SLC25A21: variants seen among roughly 807,000 people sequenced by gnomAD.
The protein encoded by SLC25A21 is solute carrier family 25 member 21.
In SLC25A21, 47 loss-of-function variants were observed where a neutral mutation model predicts 43.8. That is an observed-to-expected ratio of 1.07 (90% CI 0.85 to 1.37). The LOEUF (loss-of-function observed/expected upper bound fraction) is 1.37, where lower values mean the gene tolerates loss of function less well. Ranked by LOEUF, SLC25A21 falls within the 40% of genes most tolerant of loss-of-function variation. SLC25A21 has a pLI of 0.00. For missense variants in SLC25A21, 352 were observed against 350.2 expected, an observed-to-expected ratio of 1.00 and a Z score of -0.04; for synonymous variants, 131 against 121.3, an observed-to-expected ratio of 1.08 and a Z score of -0.52.
intron 1 of SLC25A21, among the ~76,000 whole-genome samples, chr14:36,977,920 A>G (rs1594732577): frequency 7.0e-6 from 1 of 143,820 alleles, no homozygotes; most frequent in South Asian, 2.2e-4. Context: ...TATTTCACAC[A>G]CTCCTCAGTG....
At chr14:37,009,628 A>C (rs1054250882) in intron 1 of SLC25A21, among the ~76,000 whole-genome samples, 1 of 152,238 alleles carries the variant, frequency 6.6e-6, no homozygotes. Flanking sequence ...TTTCTGAAGT[A>C]GTGCGTAGTG....
chr14:36,772,596 T>C (rs188470639), intron 3 of SLC25A21, among the ~76,000 whole-genome samples: 2 of 152,324 alleles, frequency 1.3e-5, no homozygotes, highest in East Asian at 3.9e-4. Flanking sequence ...AGAGGGATGT[T>C]GGGCGGCTGA....
chr14:36,753,205 A>T (rs552417217), intron 3 of SLC25A21, among the ~76,000 whole-genome samples: 2 of 152,348 alleles, frequency 1.3e-5, no homozygotes, highest in Admixed American at 1.3e-4. Context: ...TACTTAAAAT[A>T]GCTAAAATGG....
At chr14:37,136,799 G>A (rs1233635216) in intron 1 of SLC25A21, among the ~76,000 whole-genome samples, 5 of 152,086 alleles carry the variant, frequency 3.3e-5, no homozygotes, top group African/African-American at 9.7e-5. Flanking sequence ...AAAGAAACCA[G>A]TCTGGAAAGG....
intron 1 of SLC25A21, among the ~76,000 whole-genome samples, chr14:37,063,550 GA>G (rs1469833561): frequency 2.0e-5 from 3 of 151,956 alleles, no homozygotes; most frequent in African/African-American, 7.3e-5. Flanking sequence ...ACTAGAACAG[GA>G]AAACATTACT....
intron 5 of SLC25A21, among the ~76,000 whole-genome samples, chr14:36,727,861 G>C (rs1236407949): frequency 4.6e-5 from 7 of 151,964 alleles, no homozygotes; most frequent in African/African-American, 1.7e-4. Context: ...AGACTTCCAT[G>C]ATAGAAGCCA....
At chr14:36,879,861 T>C (rs1890660211) in intron 1 of SLC25A21, among the ~76,000 whole-genome samples, 2 of 152,068 alleles carry the variant, frequency 1.3e-5, no homozygotes, top group Admixed American at 1.3e-4. Context: ...TGATTAATCA[T>C]GATTGGTGAG....
chr14:37,158,011 C>T (rs1242041276), intron 1 of SLC25A21, among the ~76,000 whole-genome samples: 1 of 152,096 alleles, frequency 6.6e-6, no homozygotes, highest in Non-Finnish European at 1.5e-5. Flanking sequence ...TGTAAACATA[C>T]AACCTACAAA....
chr14:37,084,838 C>T (rs1594785303), intron 1 of SLC25A21, among the ~76,000 whole-genome samples: 1 of 152,186 alleles, frequency 6.6e-6, no homozygotes, highest in African/African-American at 2.4e-5. Context: ...GGCATAAGGA[C>T]AGTCATATAG....
chr14:37,053,451 G>T (rs1961754092), intron 1 of SLC25A21, among the ~76,000 whole-genome samples: 1 of 152,150 alleles, frequency 6.6e-6, no homozygotes, highest in Non-Finnish European at 1.5e-5. Flanking sequence ...AAAAGGGCAG[G>T]TTAAAAGGAA....
chr14:37,045,027 G>A (rs543462824), intron 1 of SLC25A21, among the ~76,000 whole-genome samples: 3 of 152,242 alleles, frequency 2.0e-5, no homozygotes, highest in African/African-American at 7.2e-5. Flanking sequence ...AGACAGTCTG[G>A]TTTCCCACTC....
intron 1 of SLC25A21, among the ~76,000 whole-genome samples, chr14:36,878,326 T>C (rs1890607243): frequency 6.6e-6 from 1 of 152,194 alleles, no homozygotes; most frequent in Non-Finnish European, 1.5e-5. Flanking sequence ...TTCACTGTTA[T>C]TTTTAGTCAA....
intron 1 of SLC25A21, among the ~76,000 whole-genome samples, chr14:37,077,964 G>A (rs894685613): frequency 3.3e-5 from 5 of 151,854 alleles, no homozygotes; most frequent in East Asian, 1.9e-4. Flanking sequence ...ATTTTTAAAC[G>A]AAAGACATTT....
At chr14:36,984,841 A>C (rs1432233558) in intron 1 of SLC25A21, among the ~76,000 whole-genome samples, 3 of 152,056 alleles carry the variant, frequency 2.0e-5, no homozygotes, top group African/African-American at 7.2e-5. Context: ...TGCCCAAAGG[A>C]CTATAAATCA....
intron 7 of SLC25A21, among the ~76,000 whole-genome samples, chr14:36,694,382 T>G (rs1004371964): frequency 6.6e-6 from 1 of 152,336 alleles, no homozygotes; most frequent in East Asian, 1.9e-4. Context: ...TATGTGTGCA[T>G]GTGTCTTTAT....
At chr14:36,691,074 T>C (rs529830781) in intron 7 of SLC25A21, among the ~76,000 whole-genome samples, 1 of 152,138 alleles carries the variant, frequency 6.6e-6, no homozygotes, top group African/African-American at 2.4e-5. Flanking sequence ...ATACAGAAAT[T>C]TCCTACCTTA....
intron 1 of SLC25A21, among the ~76,000 whole-genome samples, chr14:36,913,587 A>T (rs712394): frequency 4.6e-5 from 7 of 152,030 alleles, no homozygotes; most frequent in Non-Finnish European, 1.0e-4. Flanking sequence ...GTTTGGAAGG[A>T]TAAGAACGAG....
At chr14:36,906,284 T>TA (rs1325719842) in intron 1 of SLC25A21, among the ~76,000 whole-genome samples, 16 of 151,932 alleles carry the variant, frequency 1.1e-4, no homozygotes, top group Admixed American at 2.6e-4. Flanking sequence ...ATTCAAAAAA[T>TA]AAAAAATTCC....
At chr14:36,916,526 CA>C (rs1395444604) in intron 1 of SLC25A21, among the ~76,000 whole-genome samples, 1 of 152,082 alleles carries the variant, frequency 6.6e-6, no homozygotes, top group Non-Finnish European at 1.5e-5. Flanking sequence ...GTAGATAATG[CA>C]AATATGCCGA....
Sources: allele counts gnomAD v4.1 joint callset (sites outside exome capture counted in the v4.1 genomes callset), GRCh38; gene constraint gnomAD v4.1.1; transcripts MANE v1.5; gene names NCBI Gene and HGNC (gene_info 2026-07-23, HGNC 2026-07-21).